The following VPS36 variants were observed in gnomAD, a reference collection of about 807,000 sequenced individuals.
VPS36 encodes the protein vacuolar protein sorting 36 homolog, also known as vacuolar protein-sorting-associated protein 36.
Under a neutral mutation model 63.5 loss-of-function variants are expected in VPS36, and 31 were observed. The ratio of observed to expected loss-of-function variants is 0.49; its 90% CI spans 0.37 to 0.66. The LOEUF is 0.66. VPS36 is among the 30% of genes least tolerant of loss of function. The probability of loss-of-function intolerance (pLI) is 0.00; values close to 1 mark genes in which losing one functional copy is unlikely to be tolerated. For synonymous variants in VPS36, 138 were observed against 157.2 expected (o/e 0.88, Z 0.91); for missense variants, 338 against 463.7 (o/e 0.73, Z 2.49).
chr13:52,416,164 T>C, intron 12 of VPS36, 71 bp from the exon 13 acceptor site: 1 of 1,452,786 alleles, frequency 6.9e-7, no homozygotes, highest in Non-Finnish European at 9.6e-7. Context: ...CTCTGGGTTC[T>C]AATGGTAGGC....
At chr13:52,430,470 A>C (rs1283048690) in intron 6 of VPS36, among the ~76,000 whole-genome samples, 3 of 152,036 alleles carry the variant, frequency 2.0e-5, no homozygotes, top group Non-Finnish European at 4.4e-5. Context: ...ATCTCTACTA[A>C]AAATATAAAA....
intron 11 of VPS36, among the ~76,000 whole-genome samples, chr13:52,417,373 T>C (rs1958003855): frequency 6.6e-6 from 1 of 152,232 alleles, no homozygotes; most frequent in Non-Finnish European, 1.5e-5. Flanking sequence ...ACTGGCTTTT[T>C]TTTTAGAAGG....
intron 2 of VPS36, among the ~76,000 whole-genome samples, chr13:52,442,123 G>C (rs1210857255): frequency 6.6e-6 from 1 of 152,154 alleles, no homozygotes; most frequent in Non-Finnish European, 1.5e-5. Context: ...TTGTCATTCA[G>C]AAAAGTAAAA....
chr13:52,443,915 G>A (rs1407026924), intron 1 of VPS36, among the ~76,000 whole-genome samples: 2 of 152,098 alleles, frequency 1.3e-5, no homozygotes, highest in Admixed American at 1.3e-4. Context: ...ATTAACTCGA[G>A]TTACCAGAAA....
At chr13:52,425,814 A>C in intron 9 of VPS36, 118 bp downstream of exon 9, 1 of 1,113,028 alleles carries the variant, frequency 9.0e-7, no homozygotes, top group Non-Finnish European at 1.2e-6. Context: ...AAGAAAAAAA[A>C]AACATGTCAG....
intron 1 of VPS36, among the ~76,000 whole-genome samples, chr13:52,449,325 G>T (rs1230623620): frequency 6.6e-6 from 1 of 152,190 alleles, no homozygotes; most frequent in African/African-American, 2.4e-5. Flanking sequence ...GCGATAGAGC[G>T]AGACTCTGTC....
Position 52,434,823 on chromosome 13 carries a change from G to A in VPS36, c.411C>T (p.Ser137=), listed in dbSNP as rs1307014299. ...TQRRWENMPV[S]QSLQTNRGPQ... ...GTCCTCTATTTGTTTGTAATGACTG[G>A]GAAACTGGCATATTCTCCCATCTTC... Residue 137 remains serine (S), a synonymous_variant, in exon 5 of 14, where the codon TCC becomes TCT. Transcript: ENST00000378060. 2.5e-6 allele frequency: 4 copies of A among 1,613,780 alleles called. No homozygotes were observed. Among genetic ancestry groups the A allele is most frequent in the Non-Finnish European group, 3.4e-6 (4 of 1,179,936 alleles).
At chr13:52,434,405 C>G (rs1958192053) in intron 5 of VPS36, among the ~76,000 whole-genome samples, 1 of 152,126 alleles carries the variant, frequency 6.6e-6, no homozygotes, top group South Asian at 2.1e-4. Context: ...GTCGCCCAGG[C>G]TGAAGTGCAA....
At chr13:52,427,338 G>GA (rs753691828) in intron 6 of VPS36, 119 bp from the exon 7 acceptor site, 4 of 1,007,076 alleles carry the variant, frequency 4.0e-6, no homozygotes, top group Non-Finnish European at 6.0e-6. Flanking sequence ...GGGCGCAGTG[G>GA]CTCACGCCTA....
rs779459855 is a variant in VPS36 at position 52,434,917 on chromosome 13, G to A, written c.352-35C>T. On this transcript the variant is annotated intron_variant, in intron 4 of 13. Coordinates refer to ENST00000378060, the MANE Select transcript of VPS36 (RefSeq NM_016075.4). ...AAATAAATACACTTTAAATGACTCA[G>A]TCAGATTGTAACATCCTTGTATAAA... is the stretch of plus-strand genomic sequence containing the variant. 2.6e-6 allele frequency: 4 copies of A among 1,528,960 alleles called. No individual in the cohort carries two copies. In the East Asian group the frequency reaches 9.0e-5, roughly 35 times the overall value. The allele number at this position is 1,528,960 out of a possible 1,614,324, so 94.7% of individuals were successfully genotyped here.
At chr13:52,443,663 T>G (rs1958304283) in intron 1 of VPS36, among the ~76,000 whole-genome samples, 1 of 152,220 alleles carries the variant, frequency 6.6e-6, no homozygotes, top group Admixed American at 6.5e-5. Flanking sequence ...CTGAGCTGAC[T>G]AGGACATACT....
intron 3 of VPS36, among the ~76,000 whole-genome samples, chr13:52,437,110 T>TA (rs1441793961): frequency 1.3e-5 from 2 of 152,032 alleles, no homozygotes; most frequent in African/African-American, 2.4e-5. Flanking sequence ...TTTGGGAAAC[T>TA]AAAAAACTCA....
In VPS36 at chr13:52,426,286, T is replaced by C. The variant is rs551548267; in HGVS notation, c.640-220A>G. ...CTCTCCTGGTCTCTCATATTCTGTT[T>C]ACTTCATAAGTTTGATGTGAAAGGA... On this transcript the variant is annotated intron_variant, in intron 8 of 13. Transcript: ENST00000378060. 3.9e-5 allele frequency among the ~76,000 whole-genome samples: 6 copies of C among 152,344 alleles called. No homozygotes were observed. The East Asian group carries it at 1.2e-3, about 29-fold the overall frequency.
At chr13:52,441,507 C>T (rs1380963436) in intron 2 of VPS36, among the ~76,000 whole-genome samples, 2 of 152,166 alleles carry the variant, frequency 1.3e-5, no homozygotes, top group Non-Finnish European at 2.9e-5. Context: ...GATCCCAGCA[C>T]TTTGGGAGGC....
At chr13:52,445,444 C>T (rs1242251202) in intron 1 of VPS36, among the ~76,000 whole-genome samples, 2 of 150,486 alleles carry the variant, frequency 1.3e-5, no homozygotes, top group South Asian at 4.2e-4. Context: ...TCGAGACCAT[C>T]CTGACTAACA....
At chr13:52,432,118 C>T (rs1485889287) in intron 6 of VPS36, among the ~76,000 whole-genome samples, 4 of 152,100 alleles carry the variant, frequency 2.6e-5, no homozygotes, top group Non-Finnish European at 5.9e-5. Context: ...TTTGAGAGGC[C>T]GCGGCGGCGG....
At chr13:52,423,298 AG>A (rs1396297684) in intron 10 of VPS36, among the ~76,000 whole-genome samples, 2 of 152,228 alleles carry the variant, frequency 1.3e-5, no homozygotes, top group Non-Finnish European at 2.9e-5. Flanking sequence ...AAATAGAAAA[AG>A]TTTTGAATAG....
At chr13:52,445,925 G>A (rs546436401) in intron 1 of VPS36, among the ~76,000 whole-genome samples, 105 of 87,614 alleles carry the variant, frequency 1.2e-3, no homozygotes, top group African/African-American at 4.5e-3. Flanking sequence ...GGGCGACAGA[G>A]AAAGACTCTA....
chr13:52,436,468 T>C, intron 3 of VPS36, 64 bp from the exon 4 acceptor site: 1 of 1,096,998 alleles, frequency 9.1e-7, no homozygotes, highest in South Asian at 1.4e-5. Flanking sequence ...AATTCTACTT[T>C]TATAACTTTT....
Sources: allele counts gnomAD v4.1 joint callset (sites outside exome capture counted in the v4.1 genomes callset), GRCh38; gene constraint gnomAD v4.1.1; transcripts MANE v1.5; gene names NCBI Gene and HGNC (gene_info 2026-07-23, HGNC 2026-07-21).